The following KIFAP3 variants were observed in gnomAD, a reference collection of about 807,000 sequenced individuals.
KIFAP3 encodes kinesin associated protein 3, also known as kinesin-associated protein 3.
KIFAP3 carries 68 observed loss-of-function variants against 106.5 expected under a neutral mutation model. That is an observed-to-expected ratio of 0.64 (90% CI 0.53 to 0.78). KIFAP3 has a LOEUF of 0.78. Ranked by LOEUF, KIFAP3 falls within the 30% of genes least tolerant of loss-of-function variation. The pLI, the probability that KIFAP3 is intolerant of heterozygous loss-of-function variation, is 0.00. For synonymous variants in KIFAP3, 320 were observed against 311.5 expected, an observed-to-expected ratio of 1.03 and a Z score of -0.29; for missense variants, 780 against 941.8, an observed-to-expected ratio of 0.83 and a Z score of 2.25.
intron 3 of KIFAP3, among the ~76,000 whole-genome samples, 160 bp from the exon 4 acceptor site, chr1:170,039,448 T>C (rs1229368092): frequency 6.6e-6 from 1 of 152,156 alleles, no homozygotes; most frequent in African/African-American, 2.4e-5. Context: ...TGTTCATATA[T>C]AATCCACTTG....
intron 10 of KIFAP3, among the ~76,000 whole-genome samples, chr1:170,003,606 T>A (rs1324205130): frequency 1.1e-4 from 2 of 18,264 alleles, no homozygotes; most frequent in Non-Finnish European, 1.6e-4. Context: ...CTGCCTTTTG[T>A]CTGTTTGTGC....
At chr1:170,082,945 C>T (rs1023515013) in intron 1 of KIFAP3, among the ~76,000 whole-genome samples, 2 of 152,044 alleles carry the variant, frequency 1.3e-5, no homozygotes, top group Non-Finnish European at 2.9e-5. Flanking sequence ...TGCACTCCAG[C>T]CTGGGCAACA....
intron 10 of KIFAP3, among the ~76,000 whole-genome samples, chr1:169,993,817 G>A (rs1312468381): frequency 1.3e-5 from 2 of 152,306 alleles, no homozygotes; most frequent in African/African-American, 4.8e-5. Context: ...CCCAGGAGGT[G>A]GAGGTTGCAG....
At chr1:170,063,671 T>C (rs1671294787) in intron 1 of KIFAP3, among the ~76,000 whole-genome samples, 1 of 152,308 alleles carries the variant, frequency 6.6e-6, no homozygotes, top group South Asian at 2.1e-4. Context: ...CCCATGTGTG[T>C]CTATTTCTAG....
intron 8 of KIFAP3, among the ~76,000 whole-genome samples, chr1:170,031,488 A>C (rs1487625718): frequency 1.3e-5 from 2 of 151,788 alleles, no homozygotes; most frequent in African/African-American, 4.8e-5. Flanking sequence ...AAAGCTAGAG[A>C]CAAGGAATTC....
At chr1:169,970,325 T>A (rs1349308658) in intron 17 of KIFAP3, among the ~76,000 whole-genome samples, 2 of 152,012 alleles carry the variant, frequency 1.3e-5, no homozygotes, top group African/African-American at 4.8e-5. Context: ...AGTGATGTAA[T>A]CCTCCTTGGT....
intron 18 of KIFAP3, among the ~76,000 whole-genome samples, chr1:169,957,236 T>C (rs1364132133): frequency 1.3e-5 from 2 of 152,210 alleles, no homozygotes; most frequent in Non-Finnish European, 2.9e-5. Context: ...AACTAAAGTA[T>C]TTCATGGAAC....
intron 9 of KIFAP3, 56 bp from the exon 10 acceptor site, chr1:170,016,680 A>G: frequency 9.4e-7 from 1 of 1,061,896 alleles, no homozygotes; most frequent in Non-Finnish European, 1.3e-6. Flanking sequence ...TAGGACAAAA[A>G]GAATATAATT....
chr1:170,026,571 A>G (rs1669112146), intron 8 of KIFAP3, among the ~76,000 whole-genome samples: 1 of 152,220 alleles, frequency 6.6e-6, no homozygotes, highest in Non-Finnish European at 1.5e-5. Context: ...GAATCCAGAG[A>G]CGCCAAAGAG....
At chr1:170,015,087 T>C (rs1474325099) in intron 10 of KIFAP3, among the ~76,000 whole-genome samples, 3 of 152,200 alleles carry the variant, frequency 2.0e-5, no homozygotes, top group African/African-American at 7.2e-5. Context: ...TTATGTCTTA[T>C]ATCCCAAAAT....
chr1:170,069,769 T>C (rs982079264), intron 1 of KIFAP3, among the ~76,000 whole-genome samples: 3 of 151,998 alleles, frequency 2.0e-5, no homozygotes, highest in African/African-American at 7.2e-5. Flanking sequence ...CAAGAATGTT[T>C]ATCCACTTTC....
chr1:169,992,296 A>AT lies in KIFAP3; in HGVS notation c.1184-42dup, dbSNP rs201517146. 4,103 of 1,036,952 alleles carry AT rather than the reference A, an allele frequency of 4.0e-3. 111 individuals carry two copies. The African/African-American group carries it at 0.061, about 15-fold the overall frequency. 64.2% of individuals were successfully genotyped at this position (1,036,952 alleles called of 1,614,324 possible). ...CATGGTGATGATGCTATAAATATATATTTTTTATATAGCACACTCATGTTA... is the reference window on the plus strand; with the variant it reads ...CATGGTGATGATGCTATAAATATATATTTTTTTATATAGCACACTCATGTTA... On this transcript the variant is annotated intron_variant, in intron 10 of 19. Coordinates refer to ENST00000361580, the MANE Select transcript of KIFAP3 (RefSeq NM_014970.4).
At chr1:170,083,426 C>T (rs1423013476) in intron 1 of KIFAP3, among the ~76,000 whole-genome samples, 1 of 152,128 alleles carries the variant, frequency 6.6e-6, no homozygotes, top group Admixed American at 6.5e-5. Context: ...TGGCTAAGAA[C>T]CTGAATTCTT....
At chr1:170,074,827 C>G (rs1671865139), upstream of KIFAP3, 3 of 1,052,990 alleles carry the variant, frequency 2.8e-6, no homozygotes, top group Non-Finnish European at 3.6e-6. Context: ...TTTGAGCGTC[C>G]GTGTATAAGG....
chr1:169,929,554 T>C (rs1201760186), intron 19 of KIFAP3, among the ~76,000 whole-genome samples: 2 of 152,130 alleles, frequency 1.3e-5, no homozygotes, highest in African/African-American at 2.4e-5. Context: ...ACTTTTGTAT[T>C]GTTGAGAAAA....
upstream of KIFAP3, among the ~76,000 whole-genome samples, chr1:170,077,339 TGGA>T (rs1190258837): frequency 6.6e-6 from 1 of 152,174 alleles, no homozygotes; most frequent in Non-Finnish European, 1.5e-5. Flanking sequence ...CCAAAATCAT[TGGA>T]GAAGTATTGA....
At chr1:170,018,355 A>G (rs1571674391) in intron 9 of KIFAP3, among the ~76,000 whole-genome samples, 1 of 152,292 alleles carries the variant, frequency 6.6e-6, no homozygotes, top group Middle Eastern at 3.4e-3. Flanking sequence ...AGAAGATTAT[A>G]AAATTGCATT....
At chr1:170,038,628 T>C (rs1309323929) in intron 4 of KIFAP3, among the ~76,000 whole-genome samples, 197 bp from the exon 5 acceptor site, 1 of 152,148 alleles carries the variant, frequency 6.6e-6, no homozygotes, top group Non-Finnish European at 1.5e-5. Context: ...CATGATAAAA[T>C]GAGATTTATA....
chr1:170,041,220 T>C (rs1669960471), intron 3 of KIFAP3, among the ~76,000 whole-genome samples: 1 of 152,226 alleles, frequency 6.6e-6, no homozygotes, highest in South Asian at 2.1e-4. Context: ...AAAAAAAGTA[T>C]ATATTAAGTA....
Sources: allele counts gnomAD v4.1 joint callset (sites outside exome capture counted in the v4.1 genomes callset), GRCh38; gene constraint gnomAD v4.1.1; transcripts MANE v1.5; gene names NCBI Gene and HGNC (gene_info 2026-07-23, HGNC 2026-07-21).